The following TBC1D9 variants were observed in gnomAD, a reference collection of about 807,000 sequenced individuals.
TBC1D9 encodes the protein TBC1 domain family member 9, also known as TBC1 domain family member 9A.
A neutral mutation model predicts 132.0 loss-of-function variants in TBC1D9; 63 were observed. The ratio of observed to expected loss-of-function variants is 0.48; its 90% CI spans 0.39 to 0.59. The LOEUF is 0.59. Among genes scored for constraint, TBC1D9 ranks in the 20% least tolerant of loss-of-function variants. The pLI is 0.00. For missense variants in TBC1D9, 1,261 were observed against 1,592.7 expected, an observed-to-expected ratio of 0.79 and a Z score of 3.54; for synonymous variants, 610 against 609.9, an observed-to-expected ratio of 1.00 and a Z score of 0.00.
chr4:140,649,819 G>A (rs1025388540), intron 13 of TBC1D9, among the ~76,000 whole-genome samples: 7 of 152,152 alleles, frequency 4.6e-5, no homozygotes, highest in Non-Finnish European at 1.0e-4. Flanking sequence ...TCCCATGTTC[G>A]TTGAATGGGT....
chr4:140,695,390 A>C (rs535950187), intron 2 of TBC1D9, among the ~76,000 whole-genome samples: 32 of 152,326 alleles, frequency 2.1e-4, no homozygotes, highest in African/African-American at 7.5e-4. Context: ...GGTAAAGAAA[A>C]GGGAAACTCA....
At chr4:140,736,466 G>A (rs1304209632) in intron 1 of TBC1D9, among the ~76,000 whole-genome samples, 3 of 152,070 alleles carry the variant, frequency 2.0e-5, no homozygotes, top group Non-Finnish European at 2.9e-5. Context: ...GCTTGAACCC[G>A]GGAGGCAGAG....
At chr4:140,668,715 T>A (rs893072621) in intron 9 of TBC1D9, among the ~76,000 whole-genome samples, 2 of 152,228 alleles carry the variant, frequency 1.3e-5, no homozygotes, top group Non-Finnish European at 2.9e-5. Context: ...CAACATTTGG[T>A]CCGCTTCCTA....
chr4:140,723,828 G>C (rs1341436747), intron 1 of TBC1D9, among the ~76,000 whole-genome samples: 1 of 151,986 alleles, frequency 6.6e-6, no homozygotes, highest in African/African-American at 2.4e-5. Context: ...TGTGATCATA[G>C]CTCAGACTCC....
At chr4:140,689,931 T>C (rs1737851737) in intron 2 of TBC1D9, among the ~76,000 whole-genome samples, 1 of 150,904 alleles carries the variant, frequency 6.6e-6, no homozygotes, top group Non-Finnish European at 1.5e-5. Flanking sequence ...TTTATATTTT[T>C]AGTAGGTCTC....
At chr4:140,676,800 C>T (rs1737631518) in intron 6 of TBC1D9, 94 bp downstream of exon 6, 2 of 1,502,228 alleles carry the variant, frequency 1.3e-6, no homozygotes, top group Non-Finnish European at 1.8e-6. Context: ...CACCTGTGTT[C>T]AAAAGCCAAT....
chr4:140,747,203 T>A (rs916635687), intron 1 of TBC1D9, among the ~76,000 whole-genome samples: 8 of 151,768 alleles, frequency 5.3e-5, no homozygotes, highest in African/African-American at 1.4e-4. Flanking sequence ...TACAAAAAAA[T>A]TAGCCAGGCA....
At chr4:140,711,640 G>A (rs1738245294) in intron 1 of TBC1D9, among the ~76,000 whole-genome samples, 1 of 152,092 alleles carries the variant, frequency 6.6e-6, no homozygotes, top group South Asian at 2.1e-4. Context: ...TTACATTTAG[G>A]TAATGACCTA....
intron 2 of TBC1D9, among the ~76,000 whole-genome samples, chr4:140,694,564 C>T (rs1219926625): frequency 7.3e-6 from 1 of 137,808 alleles, no homozygotes; most frequent in Non-Finnish European, 1.5e-5. Context: ...GAGTAAGACC[C>T]TGTCTCAAAA....
intron 16 of TBC1D9, among the ~76,000 whole-genome samples, chr4:140,629,839 C>G (rs1736764932): frequency 6.6e-6 from 1 of 152,166 alleles, no homozygotes; most frequent in Admixed American, 6.5e-5. Flanking sequence ...ATTAATAAAA[C>G]TAATCATGAA....
At chr4:140,692,002 T>C (rs768385194) in intron 2 of TBC1D9, among the ~76,000 whole-genome samples, 2 of 152,234 alleles carry the variant, frequency 1.3e-5, no homozygotes, top group Non-Finnish European at 2.9e-5. Flanking sequence ...CAGATATTTC[T>C]TTTGTGATGC....
intron 15 of TBC1D9, among the ~76,000 whole-genome samples, chr4:140,634,928 G>C (rs960915917): frequency 2.6e-5 from 4 of 152,118 alleles, no homozygotes; most frequent in African/African-American, 9.7e-5. Flanking sequence ...TTGGAAAAAA[G>C]GCAGCCTCTT....
intron 2 of TBC1D9, among the ~76,000 whole-genome samples, chr4:140,687,393 T>TATATATAA (rs1737806017): frequency 2.1e-5 from 2 of 96,888 alleles, no homozygotes; most frequent in Admixed American, 1.1e-4. Context: ...TATATATATA[T>TATATATAA]ATAAACATAT....
Position 140,686,397 on chromosome 4 carries a change from A to G in TBC1D9, c.307T>C (p.Ser103Pro). The change falls in exon 3 of 21, where the codon TCC becomes CCC. Residue 103 changes from serine (S) to proline (P), a missense_variant. This residue lies in a region of TBC1D9 where 550 missense variants were observed against 699.0 expected (regional missense o/e 0.79). Transcript: ENST00000442267. ...WLEQNLLQTL[S>P]IFENENDITT... ...ATATCATTCTCATTTTCAAAGATGGAGAGTGTCTGCAAGAGATTTTGCTCA... is the reference window on the plus strand; with the variant it reads ...ATATCATTCTCATTTTCAAAGATGGGGAGTGTCTGCAAGAGATTTTGCTCA... 6.2e-7 allele frequency: 1 copy of G among 1,612,450 alleles called. No homozygotes were observed. The highest frequency in any genetic ancestry group is 8.5e-7 in the Non-Finnish European group (1 of 1,179,028).
At position 140,669,081 on chromosome 4, in the gene TBC1D9, T is replaced by C. The variant is rs952235095; in HGVS notation, c.1438-14A>G. 5 of 1,613,468 alleles carry C rather than the reference T, an allele frequency of 3.1e-6. No individual in the cohort carries two copies. In the African/African-American group the frequency reaches 5.3e-5, roughly 17 times the overall value. On this transcript the variant is annotated splice_polypyrimidine_tract_variant and intron_variant, in intron 8 of 20. Coordinates refer to ENST00000442267, the MANE Select transcript of TBC1D9 (RefSeq NM_015130.3). ...AAACTCTTTGGCCTGAAAGGGATAA[T>C]GAAACATTATGACATCCAAAGTACC... is the stretch of plus-strand genomic sequence containing the variant.
At chr4:140,676,484 C>G (rs1327346454) in intron 6 of TBC1D9, among the ~76,000 whole-genome samples, 1 of 152,126 alleles carries the variant, frequency 6.6e-6, no homozygotes, top group Non-Finnish European at 1.5e-5. Flanking sequence ...GAAACTCCAT[C>G]TCTACTAAAA....
At chr4:140,728,633 C>G (rs1370944988) in intron 1 of TBC1D9, among the ~76,000 whole-genome samples, 1 of 151,718 alleles carries the variant, frequency 6.6e-6, no homozygotes, top group Admixed American at 6.6e-5. Context: ...AGCTGGGAAG[C>G]TGGGATTACA....
intron 10 of TBC1D9, 150 bp downstream of exon 10, chr4:140,661,743 T>G: frequency 1.5e-6 from 1 of 658,808 alleles, no homozygotes; most frequent in South Asian, 1.9e-5. Flanking sequence ...AACAAAGAGT[T>G]AACAGTCCAG....
intron 1 of TBC1D9, among the ~76,000 whole-genome samples, chr4:140,708,829 A>T (rs1169714918): frequency 6.6e-6 from 1 of 152,158 alleles, no homozygotes; most frequent in African/African-American, 2.4e-5. Flanking sequence ...TGGCTGGGAC[A>T]GGAGATGGGT....
Sources: gnomAD v4.1 joint callset for allele counts (sites outside exome capture counted in the v4.1 genomes callset) on GRCh38, gnomAD v4.1.1 for gene constraint, gnomAD v4.1.1 regional missense constraint, MANE v1.5 for transcripts, NCBI Gene and HGNC (gene_info 2026-07-23, HGNC 2026-07-21) for gene names.